Variants in VAC14 observed in about 807,000 individuals in gnomAD.
The protein encoded by VAC14 is protein VAC14 homolog.
Under a neutral mutation model 85.3 loss-of-function variants are expected in VAC14, and 47 were observed. That is an observed-to-expected ratio of 0.55 (90% CI 0.44 to 0.70). VAC14 has a LOEUF of 0.70. Ranked by LOEUF, VAC14 falls within the 30% of genes least tolerant of loss-of-function variation. The probability of loss-of-function intolerance (pLI) is 0.00; values close to 1 mark genes in which losing one functional copy is unlikely to be tolerated. For missense variants in VAC14, 861 were observed against 1,004.3 expected, an observed-to-expected ratio of 0.86 and a Z score of 1.93; for synonymous variants, 447 against 430.5, an observed-to-expected ratio of 1.04 and a Z score of -0.47.
intron 17 of VAC14, 27 bp downstream of exon 17, chr16:70,695,517 C>T (rs751099430): frequency 3.5e-5 from 56 of 1,611,706 alleles, no homozygotes; most frequent in Admixed American, 8.3e-5. Context: ...ACTCATGGCG[C>T]GAGGTGTGGT....
At position 70,762,684 on chromosome 16, in the gene VAC14, G is replaced by C; in HGVS notation, c.1306-79C>G. ...ACGTGCAGTGCAGTGTCCCGCTGGT[G>C]TGCACGGACCCACTGGTCTGCACGG... On this transcript the variant is annotated intron_variant, in intron 11 of 18. Coordinates refer to ENST00000261776, the MANE Select transcript of VAC14 (RefSeq NM_018052.5). This position sits in a 1 kb window ranked among gnomAD's most constrained non-coding sequence, Gnocchi z 4.1. The C allele has an allele frequency of 6.5e-7, 1 of 1,536,716 alleles. No homozygotes were observed. Among genetic ancestry groups the C allele is most frequent in the Non-Finnish European group, 8.9e-7 (1 of 1,118,612 alleles).
intron 14 of VAC14, among the ~76,000 whole-genome samples, chr16:70,726,771 G>C (rs2054440868): frequency 6.6e-6 from 1 of 152,140 alleles, no homozygotes. Context: ...GCTAAGGAAA[G>C]GGCCTGGAGC....
At chr16:70,768,998 T>C in intron 10 of VAC14, 1 of 280,256 alleles carries the variant, frequency 3.6e-6, no homozygotes. Context: ...TTATTTTTAG[T>C]AGAGATGGGG....
chr16:70,782,060 T>G, intron 7 of VAC14, 57 bp from the exon 8 acceptor site: 4 of 1,590,300 alleles, frequency 2.5e-6, no homozygotes, highest in Non-Finnish European at 3.4e-6. Flanking sequence ...GAGTGCTCCC[T>G]CCCATTGACC....
chr16:70,728,686 C>T (rs144363317), intron 14 of VAC14, among the ~76,000 whole-genome samples: 3 of 152,320 alleles, frequency 2.0e-5, no homozygotes, highest in Non-Finnish European at 4.4e-5. Context: ...CTCCTTCTCG[C>T]CATGCGTCTT....
At chr16:70,733,912 G>A (rs561192959) in intron 13 of VAC14, among the ~76,000 whole-genome samples, 3 of 152,060 alleles carry the variant, frequency 2.0e-5, no homozygotes, top group Non-Finnish European at 2.9e-5. Context: ...TGCAACCTCC[G>A]CCCGGGTTCA....
At chr16:70,753,011 G>GGTGTGTGTGTGTGTGTGTGT (rs372860764) in intron 12 of VAC14, among the ~76,000 whole-genome samples, 6 of 142,982 alleles carry the variant, frequency 4.2e-5, no homozygotes, top group African/African-American at 1.6e-4. Flanking sequence ...AGGAGGAGGG[G>GGTGTGTGTGTGTGTGTGTGT]GTGTGTGTGT....
chr16:70,796,041 T>C (rs2034532682), intron 1 of VAC14, among the ~76,000 whole-genome samples: 1 of 152,146 alleles, frequency 6.6e-6, no homozygotes. Flanking sequence ...GACTGATCAA[T>C]GACTATATTA....
At chr16:70,777,749 A>C (rs1488264689) in intron 9 of VAC14, among the ~76,000 whole-genome samples, 3 of 152,202 alleles carry the variant, frequency 2.0e-5, no homozygotes, top group Admixed American at 2.0e-4. Context: ...TCTTGCCCGG[A>C]GGTGTGCCAT....
intron 18 of VAC14, chr16:70,688,588 T>C: frequency 2.0e-6 from 2 of 985,696 alleles, no homozygotes; most frequent in Non-Finnish European, 1.2e-6. Flanking sequence ...TTTTTGAGTG[T>C]TGGGGCCCCA....
intron 16 of VAC14, chr16:70,696,765 C>G (rs1178503130): frequency 2.0e-5 from 5 of 251,114 alleles, no homozygotes; most frequent in African/African-American, 1.1e-4. Flanking sequence ...CCAGGAGGAA[C>G]TACAATGAGC....
chr16:70,755,219 T>C (rs1215937947), intron 12 of VAC14: 1 of 348,024 alleles, frequency 2.9e-6, no homozygotes, highest in Admixed American at 3.5e-5. Flanking sequence ...GCTTCTGGAC[T>C]GAGCCCTGGA....
intron 9 of VAC14, chr16:70,779,217 T>C (rs1380141532): frequency 6.6e-6 from 1 of 152,258 alleles, no homozygotes; most frequent in Non-Finnish European, 1.5e-5. Flanking sequence ...GGACAGCTGC[T>C]GGATTTTACC....
Position 70,742,753 on chromosome 16 carries a change from A to C in VAC14, c.1528+1670T>G, listed in dbSNP as rs533537870. The stretch of plus-strand genomic sequence containing the variant: ...GCTGGGGCGCCTCCCACTGAGGCCA[A>C]GGAAGTACTCTCAGGCTGGGACCAG... On this transcript the variant is annotated intron_variant, in intron 13 of 18. Coordinates refer to ENST00000261776, the MANE Select transcript of VAC14 (RefSeq NM_018052.5). Among the ~76,000 whole-genome samples the C allele has an allele frequency of 7.2e-5, 11 of 152,348 alleles. No homozygotes were observed. The South Asian group carries it at 2.1e-3, about 29-fold the overall frequency.
chr16:70,744,112 C>T (rs80046448), intron 13 of VAC14, among the ~76,000 whole-genome samples: 1 of 152,172 alleles, frequency 6.6e-6, no homozygotes, highest in Non-Finnish European at 1.5e-5. Context: ...TGGAGAGATG[C>T]TGCCTAGGCA....
At chr16:70,727,045 C>T (rs1053581861) in intron 14 of VAC14, among the ~76,000 whole-genome samples, 1 of 152,218 alleles carries the variant, frequency 6.6e-6, no homozygotes, top group South Asian at 2.1e-4. Context: ...ATGCCAAGAA[C>T]CCCCACCAGA....
chr16:70,689,935 T>A (rs1178360691), intron 18 of VAC14: 1 of 985,492 alleles, frequency 1.0e-6, no homozygotes, highest in Non-Finnish European at 1.2e-6. Flanking sequence ...CAGACGCTCC[T>A]CTAACCCACT....
Position 70,731,592 on chromosome 16 carries a change from T to G in VAC14, c.1564A>C (p.Thr522Pro), listed in dbSNP as rs1300068501. The G allele has an allele frequency of 1.2e-6, 2 of 1,614,086 alleles. No individual in the cohort carries two copies. Among genetic ancestry groups the G allele is most frequent in the Non-Finnish European group, 1.7e-6 (2 of 1,180,016 alleles). The stretch of plus-strand genomic sequence containing the variant: ...AACTTATAAAAGTAAGAATTCATGG[T>G]GGGAGTTGAAGGAGAACATTCTAAG... ...KGLECSPSTP[T>P]MNSYFYKFMI... The change falls in exon 14 of 19, where the codon ACC (threonine) becomes CCC (proline). Residue 522 changes from threonine (T) to proline (P), a missense_variant. By Grantham distance (38) the Thr-to-Pro change is conservative. This residue lies in a region of VAC14 where 629 missense variants were observed against 703.1 expected (regional missense o/e 0.89). Transcript: ENST00000261776.
In VAC14 at chr16:70,801,115, G is replaced by A. The variant is rs1032792025; in HGVS notation, c.-215C>T. Reference sequence around the variant, plus strand: ...CCTGGCCGCTTAACAACTCCCGCCCGGCACTAGCGGGACTCACGAGACAGC... The same window carrying A: ...CCTGGCCGCTTAACAACTCCCGCCCAGCACTAGCGGGACTCACGAGACAGC... On this transcript the variant is annotated 5_prime_UTR_variant, in exon 1 of 19. Coordinates refer to ENST00000261776, the MANE Select transcript of VAC14 (RefSeq NM_018052.5). 8 of 433,802 alleles carry A rather than the reference G, an allele frequency of 1.8e-5. No homozygotes were observed. Among genetic ancestry groups the A allele is most frequent in the African/African-American group, 4.2e-5 (2 of 48,094 alleles). 26.9% of individuals were successfully genotyped at this position (433,802 alleles called of 1,614,324 possible). A position where few individuals can be genotyped will look rare whatever the true frequency, so the allele number is the denominator to read the frequency against.
Sources: allele counts gnomAD v4.1 joint callset (sites outside exome capture counted in the v4.1 genomes callset), GRCh38; gene constraint gnomAD v4.1.1; regional missense constraint gnomAD v4.1.1; non-coding constraint Gnocchi (gnomAD v3.1); transcripts MANE v1.5; gene names NCBI Gene and HGNC (gene_info 2026-07-23, HGNC 2026-07-21).